ZNF423: variants seen among roughly 807,000 people sequenced by gnomAD.
The protein encoded by ZNF423 is zinc finger protein 423, also known as Ebf-associated zinc finger protein.
Under a neutral mutation model 95.8 loss-of-function variants are expected in ZNF423, and 12 were observed. That is an observed-to-expected ratio of 0.13 (90% CI 0.08 to 0.20). The LOEUF is 0.20. Among genes scored for constraint, ZNF423 ranks in the 10% least tolerant of loss-of-function variants. The probability of loss-of-function intolerance (pLI) is 1.00; values close to 1 mark genes in which losing one functional copy is unlikely to be tolerated. For synonymous variants in ZNF423, 749 were observed against 711.9 expected (o/e 1.05, Z -0.83); for missense variants, 1,316 against 1,737.1 (o/e 0.76, Z 4.31).
rs1012385567 is a variant in ZNF423, at chr16:49,855,785, C to G, written c.-11G>C. 6.6e-6 allele frequency: 1 copy of G among 151,530 alleles called. No homozygotes were observed. Among genetic ancestry groups the G allele is most frequent in the Non-Finnish European group, 1.5e-5 (1 of 68,086 alleles). The allele number at this position is 151,530 out of a possible 1,614,324, so 9.4% of individuals were successfully genotyped here. A position where few individuals can be genotyped will look rare whatever the true frequency, so the allele number is the denominator to read the frequency against. On this transcript the variant is annotated 5_prime_UTR_variant, in exon 1 of 8. Coordinates refer to ENST00000563137, the MANE Select transcript of ZNF423 (RefSeq NM_001379286.1). This position sits in a 1 kb window ranked among gnomAD's most constrained non-coding sequence, Gnocchi z 4.7. Reference sequence around the variant, plus strand: ...CTTCCGCCTGGACATGTCCGGGGCTCCGGGCGCTCCGTCGCCCTCCGCAGC... The same window carrying G: ...CTTCCGCCTGGACATGTCCGGGGCTGCGGGCGCTCCGTCGCCCTCCGCAGC...
At chr16:49,742,292 G>A (rs1300964932) in intron 2 of ZNF423, among the ~76,000 whole-genome samples, 1 of 152,140 alleles carries the variant, frequency 6.6e-6, no homozygotes, top group East Asian at 1.9e-4. Context: ...CTCAACTACA[G>A]TGGGTCAGGA....
intron 1 of ZNF423, chr16:49,847,439 A>C (rs1406392711): frequency 1.3e-5 from 2 of 152,268 alleles, no homozygotes; most frequent in African/African-American, 4.8e-5. Flanking sequence ...TGCTGTCCCC[A>C]CAAGGAGACA....
intron 1 of ZNF423, among the ~76,000 whole-genome samples, chr16:49,844,992 G>A (rs772284157): frequency 3.2e-5 from 4 of 123,154 alleles, no homozygotes; most frequent in Non-Finnish European, 4.7e-5. Context: ...CAGAGTTCGC[G>A]CCATTGCACT....
At chr16:49,561,736 T>C (rs1463356364) in intron 5 of ZNF423, among the ~76,000 whole-genome samples, 1 of 152,226 alleles carries the variant, frequency 6.6e-6, no homozygotes, top group Non-Finnish European at 1.5e-5. Flanking sequence ...AAGTGCGGTA[T>C]AGGGCACAAA....
Position 49,638,992 on chromosome 16 carries a change from AG to A in ZNF423, c.302-119del. 1 of 1,444,884 alleles carries A rather than the reference AG, an allele frequency of 6.9e-7. No homozygotes were observed. Among genetic ancestry groups the A allele is most frequent in the East Asian group, 2.5e-5 (1 of 40,000 alleles). The allele number at this position is 1,444,884 out of a possible 1,614,324, so 89.5% of individuals were successfully genotyped here. The stretch of plus-strand genomic sequence containing the variant: ...GGCTGTGCAGCTGGCCAACGGCTGC[AG>A]GGGGCTGTGGGGAGGGGCAGGGGCC... On this transcript the variant is annotated intron_variant, in intron 3 of 7. Transcript: ENST00000563137. The surrounding 1 kb of genome is among the most constrained non-coding windows in gnomAD (Gnocchi z 5.6).
At chr16:49,725,699 C>T (rs2032993431) in intron 3 of ZNF423, among the ~76,000 whole-genome samples, 1 of 152,158 alleles carries the variant, frequency 6.6e-6, no homozygotes, top group African/African-American at 2.4e-5. Flanking sequence ...AGGCAGAGTC[C>T]CATAGTGCCT....
chr16:49,528,556 A>C lies in ZNF423; in HGVS notation c.3602-3062T>G, dbSNP rs552727401. ...TGGGGAAAGAGGGGAGGAGAAATAA[A>C]ACAAGCAAAAAGTGAAAGTGAAGGG... On this transcript the variant is annotated intron_variant, in intron 5 of 7. Coordinates refer to ENST00000563137, the MANE Select transcript of ZNF423 (RefSeq NM_001379286.1). Among the ~76,000 whole-genome samples, 7 of 152,244 alleles carry C rather than the reference A, an allele frequency of 4.6e-5. No individual in the cohort carries two copies. The South Asian group carries it at 1.5e-3, about 32-fold the overall frequency.
chr16:49,523,048 C>T (rs976221158), intron 7 of ZNF423, among the ~76,000 whole-genome samples: 2 of 152,180 alleles, frequency 1.3e-5, no homozygotes, highest in African/African-American at 4.8e-5. Flanking sequence ...TCCCAAGGTC[C>T]TCTCAGTTAC....
chr16:49,597,374 A>C (rs961873486), intron 5 of ZNF423, among the ~76,000 whole-genome samples: 1 of 152,194 alleles, frequency 6.6e-6, no homozygotes, highest in African/African-American at 2.4e-5. Context: ...TCAGTCCAAA[A>C]TACACACCAT....
At chr16:49,496,131 G>A (rs142667763) in intron 7 of ZNF423, among the ~76,000 whole-genome samples, 147 of 152,380 alleles carry the variant, frequency 9.6e-4, no homozygotes, top group Non-Finnish European at 1.9e-3. Context: ...AGGTGGGCAG[G>A]AAGCTTTCGT....
intron 3 of ZNF423, among the ~76,000 whole-genome samples, chr16:49,642,656 G>A (rs140092156): frequency 1.3e-5 from 2 of 152,030 alleles, no homozygotes; most frequent in South Asian, 2.1e-4. Flanking sequence ...ATTCAACCTC[G>A]CCTGCTGCCA....
At chr16:49,688,902 C>T (rs891638897) in intron 3 of ZNF423, among the ~76,000 whole-genome samples, 2 of 152,154 alleles carry the variant, frequency 1.3e-5, no homozygotes, top group South Asian at 2.1e-4. Context: ...ATCCACTCCA[C>T]GGAAGCTCCT....
chr16:49,493,006 C>A (rs930000180), intron 7 of ZNF423, among the ~76,000 whole-genome samples: 2 of 152,128 alleles, frequency 1.3e-5, no homozygotes, highest in African/African-American at 4.8e-5. Context: ...CTCTGCCGGC[C>A]GGGCCTGACA....
chr16:49,717,623 G>A (rs1360496452), intron 3 of ZNF423, among the ~76,000 whole-genome samples: 3 of 152,216 alleles, frequency 2.0e-5, no homozygotes, highest in Non-Finnish European at 2.9e-5. Context: ...GGATTCAGCT[G>A]CACCTGAAGA....
At chr16:49,623,704 G>A (rs997759621) in intron 5 of ZNF423, among the ~76,000 whole-genome samples, 1 of 152,170 alleles carries the variant, frequency 6.6e-6, no homozygotes, top group African/African-American at 2.4e-5. Context: ...GTCAGGCCAA[G>A]CTCCCACAGC....
intron 1 of ZNF423, among the ~76,000 whole-genome samples, chr16:49,790,392 G>A (rs1258375944): frequency 1.3e-5 from 2 of 152,244 alleles, no homozygotes; most frequent in Admixed American, 6.5e-5. Context: ...CTGTGCTGGG[G>A]CTTTGCAGCC....
intron 1 of ZNF423, among the ~76,000 whole-genome samples, chr16:49,842,256 GGGGAGGGGAA>G (rs2035190570): frequency 1.2e-5 from 1 of 81,166 alleles, no homozygotes; most frequent in Non-Finnish European, 2.5e-5. Flanking sequence ...GGGGAAAGGA[GGGGAGGGGAA>G]GGGAGGGGAG....
In ZNF423 at chr16:49,505,127, A is replaced by C. The variant is rs114778061; in HGVS notation, c.3850-13823T>G. Among the ~76,000 whole-genome samples the C allele has an allele frequency of 1.1e-3, 166 of 152,318 alleles. 1 individual carries two copies. Among genetic ancestry groups the C allele is most frequent in the African/African-American group, 3.8e-3 (157 of 41,560 alleles). On this transcript the variant is annotated intron_variant, in intron 7 of 7. Coordinates refer to ENST00000563137, the MANE Select transcript of ZNF423 (RefSeq NM_001379286.1). ...CCTTTACCACTTTAAATATTTATTC[A>C]TCAAAATATGATGAGAAAACCAAGA...
intron 3 of ZNF423, among the ~76,000 whole-genome samples, chr16:49,647,130 C>A (rs963364800): frequency 6.6e-6 from 1 of 152,204 alleles, no homozygotes; most frequent in African/African-American, 2.4e-5. Context: ...GACCTGCTCC[C>A]TCTTTCTTGA....
Sources: gnomAD v4.1 joint callset for allele counts (sites outside exome capture counted in the v4.1 genomes callset) on GRCh38, gnomAD v4.1.1 for gene constraint, Gnocchi (gnomAD v3.1) non-coding constraint, MANE v1.5 for transcripts, NCBI Gene and HGNC (gene_info 2026-07-23, HGNC 2026-07-21) for gene names.